Variants in GABRA1 observed in about 807,000 individuals in gnomAD.
GABRA1 encodes gamma-aminobutyric acid receptor subunit alpha-1.
In GABRA1, 9 loss-of-function variants were observed where a neutral mutation model predicts 48.9. The ratio of observed to expected loss-of-function variants is 0.18; its 90% CI spans 0.11 to 0.32. GABRA1 has a LOEUF of 0.32. Ranked by LOEUF, GABRA1 falls within the 10% of genes least tolerant of loss-of-function variation. The pLI, the probability that GABRA1 is intolerant of heterozygous loss-of-function variation, is 1.00. For missense variants in GABRA1, 285 were observed against 553.8 expected (o/e 0.51, Z 4.87); for synonymous variants, 210 against 198.7 (o/e 1.06, Z -0.48).
intron 7 of GABRA1, among the ~76,000 whole-genome samples, chr5:161,886,321 C>G (rs1434661760): frequency 6.7e-6 from 1 of 148,954 alleles, no homozygotes; most frequent in East Asian, 2.0e-4. Context: ...TACTGTGTGA[C>G]TTTTGACAAG....
chr5:161,867,196 G>A (rs1162597945), intron 4 of GABRA1, among the ~76,000 whole-genome samples: 3 of 152,218 alleles, frequency 2.0e-5, no homozygotes, highest in African/African-American at 7.2e-5. Context: ...TTACTAAATT[G>A]ACAACTCTCT....
intron 6 of GABRA1, 53 bp downstream of exon 6, chr5:161,875,695 C>T (rs758596020): frequency 4.8e-5 from 62 of 1,301,410 alleles, no homozygotes; most frequent in Non-Finnish European, 6.6e-5. Flanking sequence ...AGCAAGAGAT[C>T]TCTAGCTATA....
chr5:161,870,859 T>A (rs1754084761), intron 4 of GABRA1, among the ~76,000 whole-genome samples: 1 of 152,112 alleles, frequency 6.6e-6, no homozygotes, highest in African/African-American at 2.4e-5. Flanking sequence ...CAGAAACTAA[T>A]TTTCATCAAC....
intron 2 of GABRA1, among the ~76,000 whole-genome samples, chr5:161,852,001 A>G (rs1757463925): frequency 6.6e-6 from 1 of 152,154 alleles, no homozygotes; most frequent in Non-Finnish European, 1.5e-5. Flanking sequence ...AGTTTAGGAA[A>G]CACTACATTG....
At chr5:161,886,629 A>C (rs1754858764) in intron 7 of GABRA1, among the ~76,000 whole-genome samples, 1 of 152,028 alleles carries the variant, frequency 6.6e-6, no homozygotes. Flanking sequence ...TTAAAAAATT[A>C]GCTGGCCATG....
At chr5:161,875,255 C>G (rs1418699023) in intron 5 of GABRA1, among the ~76,000 whole-genome samples, 5 of 152,116 alleles carry the variant, frequency 3.3e-5, no homozygotes, top group African/African-American at 1.2e-4. Flanking sequence ...TAGTGTTATT[C>G]TCAAACCATT....
chr5:161,880,025 C>A (rs1446029858), intron 6 of GABRA1, among the ~76,000 whole-genome samples: 1 of 152,144 alleles, frequency 6.6e-6, no homozygotes, highest in Non-Finnish European at 1.5e-5. Context: ...GCACAACCAC[C>A]AAATATCTTT....
intron 9 of GABRA1, 73 bp downstream of exon 9, chr5:161,895,941 C>A (rs948845840): frequency 5.3e-6 from 7 of 1,329,516 alleles, no homozygotes; most frequent in Non-Finnish European, 6.5e-6. Flanking sequence ...GATGTTTTGG[C>A]CTGTGGTATT....
chr5:161,856,631 A>T (rs979115219), intron 3 of GABRA1, among the ~76,000 whole-genome samples: 6 of 117,310 alleles, frequency 5.1e-5, no homozygotes, highest in African/African-American at 2.2e-4. Flanking sequence ...AATGTGATGG[A>T]TTTGAGATTT....
chr5:161,885,687 G>T (rs1005360463), intron 7 of GABRA1, among the ~76,000 whole-genome samples: 8 of 152,036 alleles, frequency 5.3e-5, no homozygotes, highest in Admixed American at 2.0e-4. Flanking sequence ...TCCTTCCTTG[G>T]ATACTACCAT....
intron 8 of GABRA1, among the ~76,000 whole-genome samples, chr5:161,893,028 A>T (rs1319134484): frequency 7.2e-6 from 1 of 138,124 alleles, no homozygotes; most frequent in Non-Finnish European, 1.6e-5. Context: ...TAATAATAAT[A>T]ATAATAATAA....
chr5:161,897,168 A>G lies in GABRA1; in HGVS notation c.1117A>G (p.Thr373Ala). The G allele has an allele frequency of 6.2e-7, 1 of 1,614,124 alleles. No individual in the cohort carries two copies. Among genetic ancestry groups the G allele is most frequent in the Non-Finnish European group, 8.5e-7 (1 of 1,180,006 alleles). The change falls in exon 10 of 10, where the codon ACC (threonine) becomes GCC (alanine). Residue 373 changes from threonine (T) to alanine (A), a missense_variant. Thr to Ala is a moderately conservative substitution (Grantham distance 58, BLOSUM62 0). Coordinates refer to ENST00000393943, the MANE Select transcript of GABRA1 (RefSeq NM_001127644.2). Reference sequence around the variant, plus strand: ...AAACAACACTTACGCTCCAACAGCAACCAGCTACACCCCTAATTTGGCCAG... The same window carrying G: ...AAACAACACTTACGCTCCAACAGCAGCCAGCTACACCCCTAATTTGGCCAG... ...KKNNTYAPTA[T>A]SYTPNLARGD...
Position 161,873,117 on chromosome 5 carries a change from G to T in GABRA1, c.256G>T (p.Glu86Ter), listed in dbSNP as rs1189646450. 1 of 1,601,048 alleles carries T rather than the reference G, an allele frequency of 6.2e-7. No homozygotes were observed. The highest frequency in any genetic ancestry group is 8.6e-7 in the Non-Finnish European group (1 of 1,168,190). Residue 86 changes from glutamate to a stop codon, truncating the protein, a stop_gained and splice_region_variant, in exon 5 of 10, where the codon GAA (glutamate) becomes TAA (stop). Transcript: ENST00000393943. LOFTEE classifies it high-confidence loss of function. The part of the protein sequence containing the change: ...SFGPVSDHDM[E>*]YTIDVFFRQS... Reference sequence around the variant, plus strand: ...TTCGTCATTTTCCAAAATTACCTAGGAATATACAATAGATGTATTTTTCCG... The same window carrying T: ...TTCGTCATTTTCCAAAATTACCTAGTAATATACAATAGATGTATTTTTCCG...
intron 3 of GABRA1, among the ~76,000 whole-genome samples, chr5:161,860,520 A>G (rs1757810639): frequency 6.6e-6 from 1 of 151,746 alleles, no homozygotes; most frequent in African/African-American, 2.4e-5. Flanking sequence ...GTTAATGGGT[A>G]CAAAAGAAAG....
At chr5:161,876,578 C>A (rs1221638639) in intron 6 of GABRA1, among the ~76,000 whole-genome samples, 1 of 152,136 alleles carries the variant, frequency 6.6e-6, no homozygotes, top group Non-Finnish European at 1.5e-5. Flanking sequence ...GGCCTTCGGG[C>A]TCCTAGCAGC....
intron 7 of GABRA1, among the ~76,000 whole-genome samples, chr5:161,886,726 G>A (rs1754864560): frequency 6.6e-6 from 1 of 151,036 alleles, no homozygotes; most frequent in Admixed American, 6.6e-5. Flanking sequence ...TCACTGAGTC[G>A]AGACTACACC....
chr5:161,889,559 G>C (rs556466029), intron 7 of GABRA1, among the ~76,000 whole-genome samples: 93 of 152,214 alleles, frequency 6.1e-4, no homozygotes, highest in African/African-American at 2.1e-3. Context: ...ATATTCAGCT[G>C]CAGAAGATAG....
chr5:161,887,848 T>C (rs1046607378), intron 7 of GABRA1, among the ~76,000 whole-genome samples: 1 of 152,110 alleles, frequency 6.6e-6, no homozygotes, highest in Non-Finnish European at 1.5e-5. Flanking sequence ...ATTATGTAAT[T>C]TTATCCTCAC....
chr5:161,889,076 G>T (rs1019589470), intron 7 of GABRA1, among the ~76,000 whole-genome samples: 6 of 151,954 alleles, frequency 3.9e-5, no homozygotes, highest in African/African-American at 1.4e-4. Flanking sequence ...ATATACAAGA[G>T]ATATAAAGTT....
Sources: allele counts gnomAD v4.1 joint callset (sites outside exome capture counted in the v4.1 genomes callset), GRCh38; gene constraint gnomAD v4.1.1; transcripts MANE v1.5; gene names NCBI Gene and HGNC (gene_info 2026-07-23, HGNC 2026-07-21).